PVT1: variants seen among roughly 807,000 people sequenced by gnomAD.
The protein encoded by PVT1 is Pvt1 oncogene.
At chr8:127,841,827 G>A (rs1038998122) in intron 2 of PVT1, among the ~76,000 whole-genome samples, 2 of 152,022 alleles carry the variant, frequency 1.3e-5, no homozygotes, top group African/African-American at 4.8e-5. Flanking sequence ...CCAGGTTCAA[G>A]TGATTCTCAT....
intron 3 of PVT1, among the ~76,000 whole-genome samples, chr8:127,910,726 A>G (rs1201939639): frequency 1.3e-5 from 2 of 152,200 alleles, no homozygotes; most frequent in South Asian, 4.1e-4. Context: ...GGATGGTGCT[A>G]TAATTAGCCC....
At chr8:127,931,943 A>C (rs1816210995) in intron 3 of PVT1, among the ~76,000 whole-genome samples, 1 of 152,208 alleles carries the variant, frequency 6.6e-6, no homozygotes, top group South Asian at 2.1e-4. Flanking sequence ...GCGCTGTGTG[A>C]CTGCATAACA....
At chr8:128,093,915 C>T (rs1027796754) in intron 5 of PVT1, among the ~76,000 whole-genome samples, 25 of 152,310 alleles carry the variant, frequency 1.6e-4, no homozygotes, top group African/African-American at 5.5e-4. Context: ...GGATTACAGG[C>T]GTGAGCCACC....
At chr8:127,840,265 C>T (rs1020145829) in intron 2 of PVT1, among the ~76,000 whole-genome samples, 1 of 152,190 alleles carries the variant, frequency 6.6e-6, no homozygotes, top group African/African-American at 2.4e-5. Flanking sequence ...AACAGTCACC[C>T]CTTCCTCTCC....
At position 127,991,638 on chromosome 8, in the gene PVT1, C is replaced by T. The variant is rs183286272; in HGVS notation, n.912+2347C>T. On this transcript the variant is annotated intron_variant and non_coding_transcript_variant, in intron 4 of 10. Transcript: ENST00000651587. ...AGCCAGAAGCTTGGCAGGTCTGTCTCGGGGTGGGGTGACGGAGAGACATTT... is the reference window on the plus strand; with the variant it reads ...AGCCAGAAGCTTGGCAGGTCTGTCTTGGGGTGGGGTGACGGAGAGACATTT... Among the ~76,000 whole-genome samples the T allele has an allele frequency of 2.1e-3, 326 of 152,180 alleles. 1 individual carries two copies. Among genetic ancestry groups the T allele is most frequent in the African/African-American group, 7.4e-3 (309 of 41,518 alleles).
At chr8:127,855,856 A>G (rs116898411) in intron 2 of PVT1, among the ~76,000 whole-genome samples, 3,978 of 152,318 alleles carry the variant, frequency 0.026, 77 homozygotes, top group Non-Finnish European at 0.034. Context: ...TGTGGCCGGT[A>G]GGGGTGGGGG....
intron 4 of PVT1, among the ~76,000 whole-genome samples, chr8:128,026,774 C>T (rs1813300022): frequency 6.6e-6 from 1 of 152,186 alleles, no homozygotes; most frequent in African/African-American, 2.4e-5. Flanking sequence ...CCTCTGGAAG[C>T]ACAGAACTGT....
chr8:127,880,767 A>AT (rs1408654618), intron 2 of PVT1, among the ~76,000 whole-genome samples: 2 of 151,362 alleles, frequency 1.3e-5, no homozygotes, highest in Admixed American at 6.6e-5. Context: ...TGACTGGCTA[A>AT]TTTTTTGTAC....
chr8:127,993,113 G>C (rs1028334130), intron 4 of PVT1, among the ~76,000 whole-genome samples: 2 of 152,230 alleles, frequency 1.3e-5, no homozygotes, highest in African/African-American at 4.8e-5. Flanking sequence ...TTGGTGCATT[G>C]CAATTGCCCT....
chr8:127,959,188 CCT>C (rs1816607334), intron 3 of PVT1, among the ~76,000 whole-genome samples: 1 of 152,176 alleles, frequency 6.6e-6, no homozygotes, highest in African/African-American at 2.4e-5. Flanking sequence ...CTATCAGTCC[CCT>C]GATTGCTTCC....
intron 4 of PVT1, among the ~76,000 whole-genome samples, chr8:128,056,043 G>A (rs1813758390): frequency 6.6e-6 from 1 of 152,170 alleles, no homozygotes; most frequent in African/African-American, 2.4e-5. Context: ...TCAGGTTTAT[G>A]ACTCTCAGCT....
At chr8:127,938,945 G>A (rs764615449) in intron 3 of PVT1, among the ~76,000 whole-genome samples, 30 of 152,222 alleles carry the variant, frequency 2.0e-4, no homozygotes, top group Non-Finnish European at 3.1e-4. Flanking sequence ...TCATAGATGA[G>A]GAAACTGAGG....
intron 3 of PVT1, among the ~76,000 whole-genome samples, chr8:127,955,848 G>T (rs1054664201): frequency 2.0e-5 from 3 of 152,166 alleles, no homozygotes; most frequent in African/African-American, 7.2e-5. Flanking sequence ...GCCTCCCAAA[G>T]TGCTGGGTTA....
chr8:127,950,044 G>A (rs1378348449), intron 3 of PVT1, among the ~76,000 whole-genome samples: 1 of 152,234 alleles, frequency 6.6e-6, no homozygotes, highest in Admixed American at 6.5e-5. Flanking sequence ...TCCAACTTAA[G>A]CCATTAGAAA....
intron 2 of PVT1, among the ~76,000 whole-genome samples, chr8:127,796,259 T>G (rs868345384): frequency 6.6e-5 from 10 of 152,210 alleles, no homozygotes; most frequent in Non-Finnish European, 1.2e-4. Flanking sequence ...TTGTTTTTTT[T>G]CTGATTAACT....
intron 3 of PVT1, among the ~76,000 whole-genome samples, chr8:127,941,265 G>A (rs527562248): frequency 1.6e-4 from 25 of 152,180 alleles, no homozygotes; most frequent in Non-Finnish European, 2.8e-4. Context: ...CATGTGATTG[G>A]ACTGGGGCCA....
chr8:127,990,120 A>G (rs1333632314), intron 4 of PVT1, among the ~76,000 whole-genome samples: 2 of 152,164 alleles, frequency 1.3e-5, no homozygotes, highest in Admixed American at 6.5e-5. Flanking sequence ...CCTTTCACCT[A>G]TCACCAAGTC....
intron 5 of PVT1, among the ~76,000 whole-genome samples, chr8:128,084,121 G>C (rs1399546167): frequency 6.6e-6 from 1 of 152,072 alleles, no homozygotes; most frequent in Non-Finnish European, 1.5e-5. Flanking sequence ...GCAGCCAGGG[G>C]ATCCTTTAAA....
intron 4 of PVT1, among the ~76,000 whole-genome samples, chr8:128,064,172 G>A (rs1176044484): frequency 6.6e-6 from 1 of 152,160 alleles, no homozygotes; most frequent in Admixed American, 6.5e-5. Flanking sequence ...TTCAGGCTGG[G>A]TGCCCAATGA....
Sources: allele counts gnomAD v4.1 joint callset (sites outside exome capture counted in the v4.1 genomes callset), GRCh38; gene constraint gnomAD v4.1.1; transcripts MANE v1.5; gene names NCBI Gene and HGNC (gene_info 2026-07-23, HGNC 2026-07-21).